PRKG1: variants seen among roughly 807,000 people sequenced by gnomAD.
The protein encoded by PRKG1 is cGMP-dependent protein kinase 1.
In PRKG1, 35 loss-of-function variants were observed where a neutral mutation model predicts 88.1. The observed-to-expected ratio is 0.40, with a 90% CI of 0.30 to 0.53. PRKG1 has a LOEUF of 0.53. Among genes scored for constraint, PRKG1 ranks in the 20% least tolerant of loss-of-function variants. PRKG1 has a pLI of 0.59. For synonymous variants in PRKG1, 303 were observed against 292.5 expected, an observed-to-expected ratio of 1.04 and a Z score of -0.37; for missense variants, 540 against 839.8, an observed-to-expected ratio of 0.64 and a Z score of 4.41.
At chr10:52,292,755 A>G (rs1046982332) in intron 17 of PRKG1, among the ~76,000 whole-genome samples, 3 of 151,920 alleles carry the variant, frequency 2.0e-5, no homozygotes, top group Non-Finnish European at 2.9e-5. Context: ...TTGATGGGAC[A>G]TATCTCAAAA....
At chr10:51,379,100 C>A (rs1385616457) in intron 2 of PRKG1, among the ~76,000 whole-genome samples, 1 of 152,122 alleles carries the variant, frequency 6.6e-6, no homozygotes, top group East Asian at 1.9e-4. Flanking sequence ...TACTAAACTT[C>A]CTGTGTTTAA....
intron 3 of PRKG1, among the ~76,000 whole-genome samples, chr10:51,634,487 T>C (rs1347501025): frequency 6.6e-6 from 1 of 152,168 alleles, no homozygotes; most frequent in Non-Finnish European, 1.5e-5. Flanking sequence ...TCTGAGATTA[T>C]CTGATCTGCA....
chr10:51,268,058 C>A (rs1256820954), intron 2 of PRKG1, among the ~76,000 whole-genome samples: 1 of 152,036 alleles, frequency 6.6e-6, no homozygotes, highest in Non-Finnish European at 1.5e-5. Flanking sequence ...AGCTGGGTGT[C>A]CAGGGGAGAC....
chr10:51,613,439 A>G (rs1350039268), intron 3 of PRKG1, among the ~76,000 whole-genome samples: 1 of 151,586 alleles, frequency 6.6e-6, no homozygotes, highest in Admixed American at 6.6e-5. Context: ...TGGTTTATCA[A>G]TTTTGTTTAT....
At chr10:51,264,027 C>T (rs1298984939) in intron 2 of PRKG1, among the ~76,000 whole-genome samples, 2 of 152,186 alleles carry the variant, frequency 1.3e-5, no homozygotes, top group African/African-American at 2.4e-5. Flanking sequence ...ATTCCAAATT[C>T]CAGAAAGCTT....
chr10:52,247,407 A>G (rs966041643), intron 9 of PRKG1, among the ~76,000 whole-genome samples: 2 of 152,178 alleles, frequency 1.3e-5, no homozygotes, highest in African/African-American at 4.8e-5. Context: ...TCCCACAGTA[A>G]TAAGTTAGAT....
chr10:52,017,558 T>C (rs771229016), intron 5 of PRKG1, among the ~76,000 whole-genome samples: 1 of 152,154 alleles, frequency 6.6e-6, no homozygotes, highest in Non-Finnish European at 1.5e-5. Context: ...TTGAGGTAGA[T>C]GGTAGGTACC....
chr10:51,215,077 T>G (rs1161797489), intron 2 of PRKG1, among the ~76,000 whole-genome samples: 1 of 152,188 alleles, frequency 6.6e-6, no homozygotes, highest in Non-Finnish European at 1.5e-5. Context: ...AATCCTATCA[T>G]GTTTCCAAAA....
chr10:51,288,050 C>A (rs1840486804), intron 2 of PRKG1, among the ~76,000 whole-genome samples: 1 of 151,874 alleles, frequency 6.6e-6, no homozygotes, highest in Non-Finnish European at 1.5e-5. Flanking sequence ...TTCATCTGTT[C>A]TTTTTTATTT....
At chr10:51,135,384 A>G (rs1845663113) in intron 1 of PRKG1, among the ~76,000 whole-genome samples, 1 of 152,160 alleles carries the variant, frequency 6.6e-6, no homozygotes, top group African/African-American at 2.4e-5. Flanking sequence ...AAGAAGGAAA[A>G]TGGGGCACGG....
At chr10:51,641,557 T>A (rs993459618) in intron 3 of PRKG1, among the ~76,000 whole-genome samples, 3 of 152,186 alleles carry the variant, frequency 2.0e-5, no homozygotes, top group African/African-American at 7.2e-5. Flanking sequence ...CTTGCCATGC[T>A]CGATCAGCTG....
intron 3 of PRKG1, among the ~76,000 whole-genome samples, chr10:51,526,072 G>A (rs1021534186): frequency 6.6e-6 from 1 of 152,054 alleles, no homozygotes; most frequent in East Asian, 1.9e-4. Flanking sequence ...TACCTGCCTT[G>A]GCCTCCCAAA....
intron 2 of PRKG1, among the ~76,000 whole-genome samples, chr10:51,404,888 C>A (rs1031878726): frequency 9.2e-5 from 14 of 152,060 alleles, no homozygotes; most frequent in Non-Finnish European, 1.9e-4. Context: ...GAGCAAGGGG[C>A]CATCCTTAAT....
At chr10:51,860,702 G>GT in intron 4 of PRKG1, among the ~76,000 whole-genome samples, 1 of 152,202 alleles carries the variant, frequency 6.6e-6, no homozygotes, top group Middle Eastern at 3.4e-3. Context: ...ATTTGTGGAT[G>GT]TTTTTAAAAA....
intron 5 of PRKG1, among the ~76,000 whole-genome samples, chr10:51,937,204 T>C (rs1044462209): frequency 2.0e-5 from 3 of 152,038 alleles, no homozygotes; most frequent in Non-Finnish European, 2.9e-5. Context: ...TTTACAAGTA[T>C]GAAATAGTTC....
At chr10:51,770,753 C>T (rs116664772) in intron 3 of PRKG1, among the ~76,000 whole-genome samples, 1,594 of 152,286 alleles carry the variant, frequency 0.01, 39 homozygotes, top group African/African-American at 0.036. Flanking sequence ...AAACCATCCC[C>T]TACAGCCCCG....
At chr10:51,453,804 A>C (rs1162436721) in intron 2 of PRKG1, among the ~76,000 whole-genome samples, 2 of 152,036 alleles carry the variant, frequency 1.3e-5, no homozygotes, top group Non-Finnish European at 2.9e-5. Flanking sequence ...AGGAAGTTAA[A>C]CTGTTGTTGT....
At chr10:51,818,941 A>C (rs1839666222) in intron 4 of PRKG1, among the ~76,000 whole-genome samples, 1 of 112,424 alleles carries the variant, frequency 8.9e-6, no homozygotes, top group South Asian at 3.1e-4. Context: ...CGGGAGGCGG[A>C]GCTTGCAGTG....
chr10:51,597,705 C>T (rs779028188), intron 3 of PRKG1, among the ~76,000 whole-genome samples: 10 of 151,878 alleles, frequency 6.6e-5, no homozygotes, highest in East Asian at 3.9e-4. Context: ...ATTGGATGCA[C>T]GAGAAGGTAT....
Sources: allele counts gnomAD v4.1 joint callset (sites outside exome capture counted in the v4.1 genomes callset), GRCh38; gene constraint gnomAD v4.1.1; transcripts MANE v1.5; gene names NCBI Gene and HGNC (gene_info 2026-07-23, HGNC 2026-07-21).